SGPL1: variants seen among roughly 807,000 people sequenced by gnomAD.
SGPL1 encodes the protein SP-lyase 1.
A neutral mutation model predicts 68.9 loss-of-function variants in SGPL1; 37 were observed. The observed-to-expected ratio is 0.54, with a 90% CI of 0.41 to 0.71. SGPL1 has a LOEUF of 0.71. SGPL1 is among the 30% of genes least tolerant of loss of function. SGPL1 has a pLI of 0.00. For synonymous variants in SGPL1, 236 were observed against 248.5 expected, an observed-to-expected ratio of 0.95 and a Z score of 0.47; for missense variants, 551 against 704.6, an observed-to-expected ratio of 0.78 and a Z score of 2.47.
At chr10:70,842,806 T>C (rs1845736434) in intron 2 of SGPL1, among the ~76,000 whole-genome samples, 1 of 152,176 alleles carries the variant, frequency 6.6e-6, no homozygotes, top group Admixed American at 6.6e-5. Flanking sequence ...AGCATACTTC[T>C]CCCAGCCTCA....
chr10:70,876,639 C>G lies in SGPL1; in HGVS notation c.1544C>G (p.Pro515Arg), dbSNP rs775843810. ...RESVTQIMKN[P>R]KAKTTGMGAI... Reference sequence around the variant, plus strand: ...TCTGTCACTCAAATCATGAAGAATCCTAAAGCGAAGACCACAGGAATGGTA... The same window carrying G: ...TCTGTCACTCAAATCATGAAGAATCGTAAAGCGAAGACCACAGGAATGGTA... The change falls in exon 14 of 15, where the codon CCT (proline) becomes CGT (arginine). Residue 515 changes from proline to arginine, a missense_variant. Physicochemically the swap from Pro to Arg is moderately radical, Grantham distance 103. Coordinates refer to ENST00000373202, the MANE Select transcript of SGPL1 (RefSeq NM_003901.4). 9.3e-6 allele frequency: 15 copies of G among 1,613,396 alleles called. No homozygotes were observed. In the South Asian group the frequency reaches 1.5e-4, roughly 17 times the overall value.
rs1373003333 is a variant in SGPL1 at position 70,841,181 on chromosome 10, T to TG, written c.28-3291dup. Among the ~76,000 whole-genome samples the TG allele has an allele frequency of 2.6e-5, 4 of 152,156 alleles. 1 individual carries two copies. The highest frequency in any genetic ancestry group is 4.8e-5 in the African/African-American group (2 of 41,444). ...CATTGCTTTGGATTGAGGTTGTTGATGCAACAGTGGGCTCTGGGGAATGGC... is the reference window on the plus strand; with the variant it reads ...CATTGCTTTGGATTGAGGTTGTTGATGGCAACAGTGGGCTCTGGGGAATGGC... On this transcript the variant is annotated intron_variant, in intron 2 of 14. Transcript: ENST00000373202.
At chr10:70,846,350 C>T (rs1845791977) in intron 3 of SGPL1, among the ~76,000 whole-genome samples, 2 of 148,264 alleles carry the variant, frequency 1.3e-5, no homozygotes, top group Admixed American at 6.9e-5. Flanking sequence ...TGAGGGGTAG[C>T]AAGAAATATA....
intron 5 of SGPL1, 38 bp downstream of exon 5, chr10:70,854,893 A>G: frequency 6.6e-7 from 1 of 1,512,172 alleles, no homozygotes; most frequent in Non-Finnish European, 8.8e-7. Context: ...CTACTTCCTT[A>G]AAGAGACAGG....
intron 4 of SGPL1, among the ~76,000 whole-genome samples, chr10:70,852,983 C>T (rs1157098979): frequency 1.3e-5 from 2 of 152,112 alleles, no homozygotes; most frequent in Non-Finnish European, 2.9e-5. Flanking sequence ...GGCTTTGAGG[C>T]AAGAATTGGG....
intron 10 of SGPL1, 49 bp downstream of exon 10, chr10:70,871,195 A>T (rs1344362580): frequency 6.1e-6 from 8 of 1,306,548 alleles, no homozygotes; most frequent in South Asian, 2.6e-5. Context: ...ATATTTTAAA[A>T]CAAAGCCTAA....
chr10:70,877,112 G>C, intron 14 of SGPL1, 83 bp from the exon 15 acceptor site: 1 of 1,402,126 alleles, frequency 7.1e-7, no homozygotes, highest in Admixed American at 1.7e-5. Flanking sequence ...CTAGGACTCG[G>C]GGAGAAGGGG....
chr10:70,863,286 C>T (rs1041550554), intron 7 of SGPL1, among the ~76,000 whole-genome samples: 1 of 132,438 alleles, frequency 7.6e-6, no homozygotes, highest in East Asian at 2.2e-4. Flanking sequence ...CACGCTTGGC[C>T]GTCTTTTTTT....
intron 3 of SGPL1, among the ~76,000 whole-genome samples, chr10:70,847,250 C>T (rs1408757253): frequency 6.6e-6 from 1 of 152,096 alleles, no homozygotes; most frequent in Non-Finnish European, 1.5e-5. Flanking sequence ...CGGGTTCAAG[C>T]AATTCTCCCT....
chr10:70,816,537 A>G (rs1845233921), intron 1 of SGPL1, among the ~76,000 whole-genome samples: 1 of 152,198 alleles, frequency 6.6e-6, no homozygotes. Flanking sequence ...GATCGCGCGC[A>G]GACGGGGCGT....
intron 3 of SGPL1, among the ~76,000 whole-genome samples, chr10:70,845,019 T>C (rs1322933026): frequency 6.6e-6 from 1 of 152,182 alleles, no homozygotes; most frequent in East Asian, 1.9e-4. Flanking sequence ...ATTACAAGCG[T>C]GAGCCACCGT....
chr10:70,869,101 C>T (rs1398683594), intron 8 of SGPL1: 1 of 152,340 alleles, frequency 6.6e-6, no homozygotes, highest in Admixed American at 6.5e-5. Context: ...ATAAACCAGG[C>T]TGCCATTCTT....
chr10:70,874,941 T>C (rs1342255682), intron 12 of SGPL1, among the ~76,000 whole-genome samples: 1 of 152,142 alleles, frequency 6.6e-6, no homozygotes, highest in Admixed American at 6.5e-5. Flanking sequence ...AAATTAGATA[T>C]ATATAAAAGG....
chr10:70,874,966 T>C (rs1471315011), intron 12 of SGPL1, among the ~76,000 whole-genome samples: 1 of 152,246 alleles, frequency 6.6e-6, no homozygotes, highest in African/African-American at 2.4e-5. Context: ...CCTATAGCTC[T>C]GATAGGGCCA....
At chr10:70,816,743 C>G (rs755906964) in intron 1 of SGPL1, 68 bp from the exon 2 acceptor site, 331 of 1,105,424 alleles carry the variant, frequency 3.0e-4, no homozygotes, top group Non-Finnish European at 4.4e-4. Flanking sequence ...GCTGCTCTGG[C>G]GAATCTAGGC....
chr10:70,872,912 A>T (rs1846320396), intron 11 of SGPL1, among the ~76,000 whole-genome samples: 1 of 152,332 alleles, frequency 6.6e-6, no homozygotes, highest in East Asian at 1.9e-4. Context: ...TCTCATAAGC[A>T]TAATATTCTT....
At position 70,875,544 on chromosome 10, in the gene SGPL1, C is replaced by G; in HGVS notation, c.1441C>G (p.Pro481Ala). Residue 481 changes from proline to alanine, a missense_variant, in exon 13 of 15, where the codon CCC becomes GCC. Coordinates refer to ENST00000373202, the MANE Select transcript of SGPL1 (RefSeq NM_003901.4). ...GAACTTGAACCAGTTGCAGTTCCCA[C>G]CCAGGTAAGCTTGAAGAAGCCTCTT... is the stretch of plus-strand genomic sequence containing the variant. Reference protein sequence around the residue: ...GWNLNQLQFPPSIHFCITLLH... With the variant: ...GWNLNQLQFPASIHFCITLLH... The G allele has an allele frequency of 1.2e-6, 2 of 1,606,984 alleles. No homozygotes were observed. Among genetic ancestry groups the G allele is most frequent in the Non-Finnish European group, 1.7e-6 (2 of 1,176,210 alleles).
chr10:70,872,404 C>T (rs1846312585), intron 11 of SGPL1, among the ~76,000 whole-genome samples: 1 of 152,086 alleles, frequency 6.6e-6, no homozygotes, highest in South Asian at 2.1e-4. Flanking sequence ...GGCTCCTGAG[C>T]GTACATGACG....
At chr10:70,855,668 A>G (rs1220604129) in intron 5 of SGPL1, among the ~76,000 whole-genome samples, 3 of 152,260 alleles carry the variant, frequency 2.0e-5, no homozygotes, top group Admixed American at 6.5e-5. Context: ...TATTAACTCA[A>G]ACAGATTTAT....
Sources: allele counts gnomAD v4.1 joint callset (sites outside exome capture counted in the v4.1 genomes callset), GRCh38; gene constraint gnomAD v4.1.1; transcripts MANE v1.5; gene names NCBI Gene and HGNC (gene_info 2026-07-23, HGNC 2026-07-21).